The following FCHSD2 variants were observed in gnomAD, a reference collection of about 807,000 sequenced individuals.
FCHSD2 encodes the protein F-BAR and double SH3 domains protein 2.
A neutral mutation model predicts 108.1 loss-of-function variants in FCHSD2; 38 were observed. The ratio of observed to expected loss-of-function variants is 0.35; its 90% CI spans 0.27 to 0.46. The LOEUF (loss-of-function observed/expected upper bound fraction) is 0.46, where lower values mean the gene tolerates loss of function less well. Ranked by LOEUF, FCHSD2 falls within the 20% of genes least tolerant of loss-of-function variation. The probability of loss-of-function intolerance (pLI) is 1.00; values close to 1 mark genes in which losing one functional copy is unlikely to be tolerated. For synonymous variants in FCHSD2, 279 were observed against 314.7 expected (o/e 0.89, Z 1.20); for missense variants, 751 against 897.8 (o/e 0.84, Z 2.09).
At chr11:72,881,301 T>C (rs914454962) in intron 12 of FCHSD2, among the ~76,000 whole-genome samples, 7 of 152,132 alleles carry the variant, frequency 4.6e-5, no homozygotes, top group African/African-American at 1.7e-4. Flanking sequence ...ATCAGTAAAA[T>C]GCAAATCAAA....
chr11:72,867,981 T>C lies in FCHSD2; in HGVS notation c.1192A>G (p.Ile398Val). Residue 398 changes from isoleucine to valine, a missense_variant, in exon 13 of 20, where the codon ATT becomes GTT. Transcript: ENST00000409418. ...AGCCATGTGTCCACAGAAACACCAA[T>C]CTGCTTTAGCAGGTCCAACCGGGCT... ...AEARLDLLKQ[I>V]GVSVDTWLKS... 6.3e-7 allele frequency: 1 copy of C among 1,582,254 alleles called. No individual in the cohort carries two copies. The highest frequency in any genetic ancestry group is 8.6e-7 in the Non-Finnish European group (1 of 1,163,328).
intron 2 of FCHSD2, among the ~76,000 whole-genome samples, chr11:73,089,839 G>T (rs1403421801): frequency 1.3e-5 from 2 of 152,086 alleles, no homozygotes; most frequent in African/African-American, 4.8e-5. Context: ...AACTAGATAA[G>T]CATTTTCATA....
At chr11:72,854,921 T>C (rs1861383667) in intron 13 of FCHSD2, among the ~76,000 whole-genome samples, 1 of 151,978 alleles carries the variant, frequency 6.6e-6, no homozygotes, top group Admixed American at 6.6e-5. Context: ...GCAGATCACG[T>C]AAGGTCAGGA....
At position 73,057,082 on chromosome 11, in the gene FCHSD2, C is replaced by CA. The variant is rs1397327059; in HGVS notation, c.165+26612dup. ...TGGGCGACAGAGCAAGACTCCGACT[C>CA]AAAAACTAAAAAATAAAATAAAATA... On this transcript the variant is annotated intron_variant, in intron 3 of 19. Transcript: ENST00000409418. 3.9e-5 allele frequency among the ~76,000 whole-genome samples: 6 copies of CA among 151,936 alleles called. No individual in the cohort carries two copies. The East Asian group carries it at 1.2e-3, about 29-fold the overall frequency.
Position 72,925,639 on chromosome 11 carries a change from T to C in FCHSD2, c.706-3689A>G, listed in dbSNP as rs1426341694. Among the ~76,000 whole-genome samples the C allele has an allele frequency of 2.0e-5, 3 of 152,274 alleles. No homozygotes were observed. The East Asian group carries it at 5.8e-4, about 29-fold the overall frequency. The stretch of plus-strand genomic sequence containing the variant: ...CAATAAAACATATATTATCTCATCA[T>C]GAGATAATAACTGACGCACGTATCC... On this transcript the variant is annotated intron_variant, in intron 8 of 19. Coordinates refer to ENST00000409418, the MANE Select transcript of FCHSD2 (RefSeq NM_014824.3).
chr11:73,129,196 T>C (rs1047859720), intron 2 of FCHSD2, among the ~76,000 whole-genome samples: 4 of 152,184 alleles, frequency 2.6e-5, no homozygotes, highest in Admixed American at 6.5e-5. Flanking sequence ...TAAATTGATG[T>C]TCTCAATTAC....
chr11:73,016,756 G>A (rs1165201654), intron 3 of FCHSD2, among the ~76,000 whole-genome samples: 1 of 152,130 alleles, frequency 6.6e-6, no homozygotes, highest in African/African-American at 2.4e-5. Flanking sequence ...ATGATACCAT[G>A]ACACAAGTCA....
At chr11:73,111,449 T>C (rs932944120) in intron 2 of FCHSD2, among the ~76,000 whole-genome samples, 10 of 147,416 alleles carry the variant, frequency 6.8e-5, no homozygotes, top group Non-Finnish European at 1.2e-4. Flanking sequence ...TAGCATGGAA[T>C]ATCTTTCTCC....
At chr11:73,036,308 T>C (rs1360286082) in intron 3 of FCHSD2, among the ~76,000 whole-genome samples, 1 of 149,268 alleles carries the variant, frequency 6.7e-6, no homozygotes, top group Non-Finnish European at 1.5e-5. Context: ...ACCAAAGAAG[T>C]ATAGGAAATA....
At chr11:73,009,389 C>T (rs1472509742) in intron 4 of FCHSD2, among the ~76,000 whole-genome samples, 2 of 151,818 alleles carry the variant, frequency 1.3e-5, no homozygotes, top group Admixed American at 6.6e-5. Flanking sequence ...CCCAGTTGCT[C>T]GGGAGGCTGA....
At chr11:73,048,465 G>A (rs137966433) in intron 3 of FCHSD2, among the ~76,000 whole-genome samples, 3 of 152,182 alleles carry the variant, frequency 2.0e-5, no homozygotes, top group Non-Finnish European at 4.4e-5. Context: ...TCAAAAAGTG[G>A]AAATGGATTA....
chr11:73,008,559 G>A (rs1188132179), intron 4 of FCHSD2, among the ~76,000 whole-genome samples: 1 of 152,180 alleles, frequency 6.6e-6, no homozygotes, highest in Non-Finnish European at 1.5e-5. Flanking sequence ...AACTGCAACT[G>A]AGGTGCCCAA....
chr11:73,136,505 C>T (rs1861123957), intron 2 of FCHSD2, among the ~76,000 whole-genome samples: 1 of 151,960 alleles, frequency 6.6e-6, no homozygotes, highest in African/African-American at 2.4e-5. Flanking sequence ...AGAGATCACA[C>T]CACTGCATTC....
chr11:72,996,084 G>A (rs926063408), intron 5 of FCHSD2, among the ~76,000 whole-genome samples: 2 of 152,140 alleles, frequency 1.3e-5, no homozygotes, highest in African/African-American at 4.8e-5. Context: ...GATAAAAGGA[G>A]TAAGAGAATT....
At chr11:72,987,017 A>G (rs1049160196) in intron 6 of FCHSD2, among the ~76,000 whole-genome samples, 15 of 152,168 alleles carry the variant, frequency 9.9e-5, no homozygotes, top group African/African-American at 3.6e-4. Context: ...TTCTCATTTA[A>G]GTGCCAGATA....
At chr11:73,082,020 T>C (rs1314764526) in intron 3 of FCHSD2, among the ~76,000 whole-genome samples, 1 of 151,682 alleles carries the variant, frequency 6.6e-6, no homozygotes, top group Non-Finnish European at 1.5e-5. Flanking sequence ...CTGGCCAACA[T>C]GGCAAAATCC....
chr11:72,933,860 A>G (rs1430506106), intron 8 of FCHSD2, among the ~76,000 whole-genome samples: 2 of 152,112 alleles, frequency 1.3e-5, no homozygotes, highest in Non-Finnish European at 2.9e-5. Flanking sequence ...TGCAATTTCA[A>G]CACTTTTGGA....
At chr11:73,001,958 T>G (rs1430280765) in intron 4 of FCHSD2, among the ~76,000 whole-genome samples, 3 of 152,242 alleles carry the variant, frequency 2.0e-5, no homozygotes, top group Non-Finnish European at 4.4e-5. Flanking sequence ...AGCATGCTCC[T>G]ACACTATTTA....
intron 10 of FCHSD2, among the ~76,000 whole-genome samples, chr11:72,896,191 T>C (rs993116012): frequency 2.0e-5 from 3 of 152,228 alleles, no homozygotes; most frequent in Non-Finnish European, 2.9e-5. Flanking sequence ...GGAAAGATCA[T>C]ACATCAGAAA....
Sources: gnomAD v4.1 joint callset for allele counts (sites outside exome capture counted in the v4.1 genomes callset) on GRCh38, gnomAD v4.1.1 for gene constraint, MANE v1.5 for transcripts, NCBI Gene and HGNC (gene_info 2026-07-23, HGNC 2026-07-21) for gene names.